Variants in HIVEP3 observed in about 807,000 individuals in gnomAD.
HIVEP3 encodes transcription factor HIVEP3.
Under a neutral mutation model 152.8 loss-of-function variants are expected in HIVEP3, and 49 were observed. The observed-to-expected ratio is 0.32, with a 90% CI of 0.26 to 0.41. The LOEUF is 0.41. HIVEP3 is among the 10% of genes least tolerant of loss of function. The pLI is 1.00. For synonymous variants in HIVEP3, 1,269 were observed against 1,289.0 expected (o/e 0.98, Z 0.33); for missense variants, 2,790 against 3,103.3 (o/e 0.90, Z 2.40).
chr1:41,908,872 G>A (rs1644754695), intron 1 of HIVEP3, among the ~76,000 whole-genome samples: 1 of 152,134 alleles, frequency 6.6e-6, no homozygotes, highest in African/African-American at 2.4e-5. Context: ...CACGGGAAGA[G>A]GAGACAGGAT....
intron 1 of HIVEP3, among the ~76,000 whole-genome samples, chr1:42,021,636 A>T (rs1006955888): frequency 6.6e-6 from 1 of 152,194 alleles, no homozygotes; most frequent in African/African-American, 2.4e-5. Context: ...GTGCAAACAG[A>T]TACATCATAC....
chr1:41,899,426 GA>G (rs1275017532), intron 1 of HIVEP3, among the ~76,000 whole-genome samples: 1 of 152,148 alleles, frequency 6.6e-6, no homozygotes, highest in Non-Finnish European at 1.5e-5. Context: ...TTTATTTAGA[GA>G]TGGAGTTTCG....
chr1:41,721,680 T>C (rs1021055770), intron 1 of HIVEP3, among the ~76,000 whole-genome samples: 8 of 152,246 alleles, frequency 5.3e-5, no homozygotes, highest in Admixed American at 2.0e-4. Context: ...ATTAATACTA[T>C]GAAGGAAGTA....
chr1:41,592,363 T>C (rs766783535), intron 3 of HIVEP3, among the ~76,000 whole-genome samples: 89 of 152,196 alleles, frequency 5.8e-4, no homozygotes, highest in Non-Finnish European at 1.0e-3. Context: ...ATCACTTCCT[T>C]TCTGACAATT....
chr1:41,784,347 G>C (rs570335732), intron 1 of HIVEP3, among the ~76,000 whole-genome samples: 1 of 152,124 alleles, frequency 6.6e-6, no homozygotes, highest in Non-Finnish European at 1.5e-5. Flanking sequence ...ATAACCTTTT[G>C]GATATGTTGT....
chr1:41,742,146 C>T (rs1647006286), intron 1 of HIVEP3, among the ~76,000 whole-genome samples: 2 of 152,184 alleles, frequency 1.3e-5, no homozygotes, highest in South Asian at 4.1e-4. Context: ...TCTTATCCAC[C>T]CAACCATCTG....
At chr1:41,954,159 C>T (rs966862925) in intron 1 of HIVEP3, among the ~76,000 whole-genome samples, 1 of 152,130 alleles carries the variant, frequency 6.6e-6, no homozygotes, top group Non-Finnish European at 1.5e-5. Context: ...TCAGCTCATC[C>T]TCAAATTCCC....
At chr1:41,629,860 A>G (rs1431790532) in intron 2 of HIVEP3, among the ~76,000 whole-genome samples, 1 of 152,276 alleles carries the variant, frequency 6.6e-6, no homozygotes, top group Non-Finnish European at 1.5e-5. Context: ...TGTGGAAAGC[A>G]GTTTGGAAAT....
intron 1 of HIVEP3, among the ~76,000 whole-genome samples, chr1:41,762,173 C>T (rs1326694647): frequency 2.6e-5 from 4 of 152,178 alleles, no homozygotes; most frequent in Non-Finnish European, 5.9e-5. Flanking sequence ...GACCCAGCCA[C>T]ATTGAGGGAG....
At chr1:42,001,979 A>G (rs910377531) in intron 1 of HIVEP3, among the ~76,000 whole-genome samples, 8 of 151,980 alleles carry the variant, frequency 5.3e-5, no homozygotes, top group Non-Finnish European at 1.2e-4. Context: ...GGTGGGCACC[A>G]ATGCCCCTGC....
intron 2 of HIVEP3, among the ~76,000 whole-genome samples, chr1:41,652,435 G>A (rs531008372): frequency 2.6e-5 from 4 of 152,294 alleles, no homozygotes; most frequent in South Asian, 2.1e-4. Flanking sequence ...GCCTGGGGAC[G>A]TGCCTGGAGG....
At chr1:41,859,034 T>C (rs1366795399) in intron 1 of HIVEP3, among the ~76,000 whole-genome samples, 2 of 152,186 alleles carry the variant, frequency 1.3e-5, no homozygotes, top group Non-Finnish European at 2.9e-5. Context: ...TGGCCTTGGG[T>C]ATTAATGCTA....
intron 1 of HIVEP3, among the ~76,000 whole-genome samples, chr1:41,728,674 C>A (rs1646793390): frequency 6.6e-6 from 1 of 152,186 alleles, no homozygotes; most frequent in African/African-American, 2.4e-5. Flanking sequence ...ACAGTCAGCT[C>A]TTAATGCAGG....
chr1:41,680,185 G>C (rs1570297893), intron 2 of HIVEP3, among the ~76,000 whole-genome samples: 1 of 152,168 alleles, frequency 6.6e-6, no homozygotes, highest in East Asian at 1.9e-4. Context: ...TTTCTCTACA[G>C]GTCACGTTGG....
At chr1:41,978,634 A>G (rs575752468) in intron 1 of HIVEP3, among the ~76,000 whole-genome samples, 2 of 152,228 alleles carry the variant, frequency 1.3e-5, no homozygotes, top group South Asian at 4.1e-4. Flanking sequence ...CATCGCTAGC[A>G]AATGAATACC....
At chr1:41,949,858 T>A (rs774627840) in intron 1 of HIVEP3, among the ~76,000 whole-genome samples, 2 of 152,154 alleles carry the variant, frequency 1.3e-5, no homozygotes, top group Non-Finnish European at 2.9e-5. Context: ...CTGATGTTGA[T>A]GACATTGAAG....
At position 41,782,893 on chromosome 1, in the gene HIVEP3, G is replaced by T. The variant is rs144997599; in HGVS notation, c.-800-81898C>A. ...GGAGATGATGTGACCAGGTCAGAACGGAGGAGCCTGGAGGCTGGGGTGGGG... is the reference window on the plus strand; with the variant it reads ...GGAGATGATGTGACCAGGTCAGAACTGAGGAGCCTGGAGGCTGGGGTGGGG... On this transcript the variant is annotated intron_variant, in intron 1 of 8. Coordinates refer to ENST00000372583, the MANE Select transcript of HIVEP3 (RefSeq NM_024503.5). 4.8e-3 allele frequency among the ~76,000 whole-genome samples: 734 copies of T among 152,278 alleles called. 4 individuals are homozygous for T. Among genetic ancestry groups the T allele is most frequent in the African/African-American group, 0.017 (711 of 41,544 alleles).
chr1:41,643,356 G>A (rs543490259), intron 2 of HIVEP3, among the ~76,000 whole-genome samples: 24 of 152,176 alleles, frequency 1.6e-4, no homozygotes, highest in Non-Finnish European at 2.8e-4. Flanking sequence ...CCCTGCACAC[G>A]GGTCTTCCTC....
At chr1:41,761,079 A>C (rs1267067061) in intron 1 of HIVEP3, among the ~76,000 whole-genome samples, 1 of 152,276 alleles carries the variant, frequency 6.6e-6, no homozygotes, top group African/African-American at 2.4e-5. Context: ...GAGAGACTAC[A>C]GGGCAGAGAG....
Sources: allele counts gnomAD v4.1 joint callset (sites outside exome capture counted in the v4.1 genomes callset), GRCh38; gene constraint gnomAD v4.1.1; transcripts MANE v1.5; gene names NCBI Gene and HGNC (gene_info 2026-07-23, HGNC 2026-07-21).